Variants in MAN1A1 observed in about 807,000 individuals in gnomAD.
The protein encoded by MAN1A1 is mannosidase alpha class 1A member 1.
A neutral mutation model predicts 70.8 loss-of-function variants in MAN1A1; 29 were observed. That is an observed-to-expected ratio of 0.41 (90% CI 0.31 to 0.56). The LOEUF is 0.56. MAN1A1 is among the 20% of genes least tolerant of loss of function. MAN1A1 has a pLI of 0.29. For missense variants in MAN1A1, 747 were observed against 841.3 expected, an observed-to-expected ratio of 0.89 and a Z score of 1.39; for synonymous variants, 349 against 330.1, an observed-to-expected ratio of 1.06 and a Z score of -0.62.
rs372892850 is a variant in MAN1A1, at chr6:119,275,432, A to G, written c.897+15251T>C. Among the ~76,000 whole-genome samples the G allele has an allele frequency of 1.4e-4, 20 of 143,288 alleles. 1 individual carries two copies. The highest frequency in any genetic ancestry group is 2.2e-4 in the Non-Finnish European group (14 of 64,654). 94.0% of individuals were successfully genotyped at this position (143,288 alleles called of 152,430 possible). On this transcript the variant is annotated intron_variant, in intron 5 of 12. Transcript: ENST00000368468. ...CGCCATTCTCCTGCCTCAGCCTCCCAAGTAGCTGGGACTACAGGCGCCCGC... is the reference window on the plus strand; with the variant it reads ...CGCCATTCTCCTGCCTCAGCCTCCCGAGTAGCTGGGACTACAGGCGCCCGC...
intron 6 of MAN1A1, among the ~76,000 whole-genome samples, chr6:119,214,712 C>T (rs1774148763): frequency 6.6e-6 from 1 of 151,784 alleles, no homozygotes; most frequent in South Asian, 2.1e-4. Flanking sequence ...CACCATGTTA[C>T]CCAGGCTGGT....
intron 2 of MAN1A1, among the ~76,000 whole-genome samples, chr6:119,312,901 A>G (rs764999799): frequency 1.3e-5 from 2 of 152,140 alleles, no homozygotes; most frequent in Non-Finnish European, 2.9e-5. Context: ...CAGCTTACTA[A>G]AAAAGTAAGT....
At position 119,189,837 on chromosome 6, in the gene MAN1A1, T is replaced by C; in HGVS notation, c.1373A>G (p.Tyr458Cys). 1 of 1,614,106 alleles carries C rather than the reference T, an allele frequency of 6.2e-7. No individual in the cohort carries two copies. The highest frequency in any genetic ancestry group is 8.5e-7 in the Non-Finnish European group (1 of 1,180,012). Residue 458 changes from tyrosine (Y) to cysteine (C), a missense_variant, in exon 10 of 13, where the codon TAT becomes TGT. Physicochemically the swap from Tyr to Cys is radical, Grantham distance 194 (BLOSUM62 -2). This residue lies in a region of MAN1A1 where 419 missense variants were observed against 548.2 expected (regional missense o/e 0.76). Coordinates refer to ENST00000368468, the MANE Select transcript of MAN1A1 (RefSeq NM_005907.4). ...GAGGCCCCCTTTCCACTCTGCGATA[T>C]AAGTTAGTCCGCTGCTAGACTTGCG... is the stretch of plus-strand genomic sequence containing the variant. ...LIRKSSSGLT[Y>C]IAEWKGGLLE...
intron 5 of MAN1A1, among the ~76,000 whole-genome samples, chr6:119,260,116 G>C (rs1189221289): frequency 2.0e-5 from 3 of 152,138 alleles, no homozygotes; most frequent in Admixed American, 6.5e-5. Flanking sequence ...TAGAGGGTTA[G>C]ATAGTAAATA....
At chr6:119,312,905 AG>A (rs1772748659) in intron 2 of MAN1A1, among the ~76,000 whole-genome samples, 1 of 152,206 alleles carries the variant, frequency 6.6e-6, no homozygotes, top group Non-Finnish European at 1.5e-5. Flanking sequence ...TTACTAAAAA[AG>A]TAAGTATTAT....
chr6:119,232,998 T>G (rs1774730137), intron 6 of MAN1A1, among the ~76,000 whole-genome samples: 1 of 152,210 alleles, frequency 6.6e-6, no homozygotes, highest in African/African-American at 2.4e-5. Context: ...CAAATTCCAT[T>G]TTTTGAAACT....
chr6:119,186,061 A>G (rs1562181788), intron 11 of MAN1A1, among the ~76,000 whole-genome samples: 1 of 152,116 alleles, frequency 6.6e-6, no homozygotes, highest in Non-Finnish European at 1.5e-5. Flanking sequence ...ATAATTGAGG[A>G]GCTGAAATGC....
At chr6:119,311,749 C>T (rs1772712703) in intron 2 of MAN1A1, among the ~76,000 whole-genome samples, 1 of 152,062 alleles carries the variant, frequency 6.6e-6, no homozygotes, top group South Asian at 2.1e-4. Flanking sequence ...AGTGATGTCA[C>T]TTTGCAGCAT....
At position 119,193,769 on chromosome 6, in the gene MAN1A1, T is replaced by C. The variant is rs115216586; in HGVS notation, c.1326+8A>G. On this transcript the variant is annotated splice_region_variant and intron_variant, in intron 9 of 12. Coordinates refer to ENST00000368468, the MANE Select transcript of MAN1A1 (RefSeq NM_005907.4). The stretch of plus-strand genomic sequence containing the variant: ...TGAGTGGCAAAGATGATTTAAATAT[T>C]GGGTTACCTGAACAGCATCAAAATA... 5.2e-4 allele frequency: 830 copies of C among 1,590,838 alleles called. 6 individuals carry two copies. In the African/African-American group the frequency reaches 9.4e-3, roughly 18 times the overall value.
At chr6:119,332,329 CAA>C (rs955850785) in intron 2 of MAN1A1, among the ~76,000 whole-genome samples, 3 of 152,090 alleles carry the variant, frequency 2.0e-5, no homozygotes, top group African/African-American at 7.2e-5. Context: ...GGAAGAATAA[CAA>C]ACACATTCTA....
chr6:119,227,815 T>C (rs532073766), intron 6 of MAN1A1, among the ~76,000 whole-genome samples: 2 of 152,302 alleles, frequency 1.3e-5, no homozygotes, highest in South Asian at 4.1e-4. Flanking sequence ...TAACATCGGA[T>C]TGAAATTTCG....
chr6:119,309,842 C>T (rs1449639623), intron 2 of MAN1A1, among the ~76,000 whole-genome samples: 1 of 151,908 alleles, frequency 6.6e-6, no homozygotes, highest in Non-Finnish European at 1.5e-5. Flanking sequence ...ATTACTTCCC[C>T]TTGACTCCAT....
chr6:119,218,969 G>C (rs185214089), intron 6 of MAN1A1, among the ~76,000 whole-genome samples: 113 of 152,196 alleles, frequency 7.4e-4, no homozygotes, highest in Non-Finnish European at 1.4e-3. Context: ...GAAGTTTGGT[G>C]ATGTTTTTGT....
At chr6:119,329,221 C>T (rs195062) in intron 2 of MAN1A1, among the ~76,000 whole-genome samples, 86,557 of 152,080 alleles carry the variant, frequency 0.57, 25,058 homozygotes, top group African/African-American at 0.65. Context: ...ATGCTTATTA[C>T]AAAGTCTATT....
Position 119,302,060 on chromosome 6 carries a change from A to G in MAN1A1, c.744T>C (p.Leu248=). 6.2e-7 allele frequency: 1 copy of G among 1,610,486 alleles called. No homozygotes were observed. Among genetic ancestry groups the G allele is most frequent in the Non-Finnish European group, 8.5e-7 (1 of 1,177,130 alleles). The part of the protein sequence containing the change: ...GATIVDALDT[L]FIMEMKHEFE... ...ATTCATGTTTCATTTCCATAATAAA[A>G]AGTGTATCCAGGGCATCTACTATAG... Residue 248 remains leucine, a synonymous_variant, in exon 4 of 13, where the codon CTT becomes CTC. Transcript: ENST00000368468.
intron 2 of MAN1A1, among the ~76,000 whole-genome samples, chr6:119,310,655 G>C (rs774054876): frequency 2.6e-5 from 4 of 152,174 alleles, no homozygotes; most frequent in African/African-American, 9.7e-5. Flanking sequence ...CTAGAGGCCA[G>C]AGAGTGACAC....
intron 2 of MAN1A1, among the ~76,000 whole-genome samples, chr6:119,346,868 A>T (rs942936989): frequency 1.3e-5 from 2 of 152,200 alleles, no homozygotes; most frequent in Non-Finnish European, 2.9e-5. Context: ...GCAGATACAG[A>T]TCATTTGGGT....
intron 2 of MAN1A1, among the ~76,000 whole-genome samples, chr6:119,322,425 C>T (rs776153391): frequency 2.0e-5 from 3 of 152,094 alleles, no homozygotes; most frequent in Non-Finnish European, 4.4e-5. Context: ...CCGTTCTATT[C>T]GCAGAACTAA....
At chr6:119,285,095 G>A (rs981534582) in intron 5 of MAN1A1, among the ~76,000 whole-genome samples, 1 of 151,850 alleles carries the variant, frequency 6.6e-6, no homozygotes, top group Non-Finnish European at 1.5e-5. Context: ...CATGGCCAGA[G>A]GGGGAGCAGG....
Sources: gnomAD v4.1 joint callset for allele counts (sites outside exome capture counted in the v4.1 genomes callset) on GRCh38, gnomAD v4.1.1 for gene constraint, gnomAD v4.1.1 regional missense constraint, MANE v1.5 for transcripts, NCBI Gene and HGNC (gene_info 2026-07-23, HGNC 2026-07-21) for gene names.